The following ANKRD62 variants were observed in gnomAD, a reference collection of about 807,000 sequenced individuals.
ANKRD62 encodes ankyrin repeat domain-containing protein 62.
Under a neutral mutation model 98.8 loss-of-function variants are expected in ANKRD62, and 61 were observed. The ratio of observed to expected loss-of-function variants is 0.62; its 90% CI spans 0.50 to 0.76. The LOEUF is 0.76. Ranked by LOEUF, ANKRD62 falls within the 30% of genes least tolerant of loss-of-function variation. ANKRD62 has a pLI of 0.00. For missense variants in ANKRD62, 933 were observed against 1,082.9 expected (o/e 0.86, Z 1.94); for synonymous variants, 341 against 367.9 (o/e 0.93, Z 0.84).
chr18:12,104,872 T>A (rs1013075407), intron 7 of ANKRD62, among the ~76,000 whole-genome samples: 2 of 152,198 alleles, frequency 1.3e-5, no homozygotes, highest in African/African-American at 4.8e-5. Flanking sequence ...ATCTTCTGAT[T>A]TTTATTTAAA....
At chr18:12,095,026 A>T in intron 1 of ANKRD62, 145 bp from the exon 2 acceptor site, 1 of 688,154 alleles carries the variant, frequency 1.5e-6, no homozygotes, top group Non-Finnish European at 2.5e-6. Flanking sequence ...GGATGTGGAA[A>T]CCTTGCCTTT....
rs1450049933 is a variant in ANKRD62 at position 12,109,968 on chromosome 18, AAAAC to A, written c.1064+2503_1064+2506del. Among the ~76,000 whole-genome samples, 7 of 142,346 alleles carry A rather than the reference AAAAC, an allele frequency of 4.9e-5. No homozygotes were observed. In the South Asian group the frequency reaches 6.7e-4, roughly 14 times the overall value. 93.4% of individuals were successfully genotyped at this position (142,346 alleles called of 152,430 possible). On this transcript the variant is annotated intron_variant, in intron 8 of 13. Transcript: ENST00000587848. The stretch of plus-strand genomic sequence containing the variant: ...CTGTTACCAAAAAAAAAAAAAAAAA[AAAAC>A]AGACAGACAGGTAGTAGGCTGAATT...
chr18:12,145,448 C>T, the ANKRD62 span, among the ~76,000 whole-genome samples: 4 of 152,328 alleles, frequency 2.6e-5, no homozygotes, highest in South Asian at 2.1e-4. Flanking sequence ...AAATAGTCAA[C>T]GAGGGGCTGT....
intron 6 of ANKRD62, chr18:12,102,275 C>T (rs954471818): frequency 2.8e-5 from 21 of 753,048 alleles, no homozygotes; most frequent in Admixed American, 5.3e-5. Flanking sequence ...TCTCACTAGT[C>T]CAGTGGAGAG....
chr18:12,125,596 A>C lies in ANKRD62; in HGVS notation c.1775A>C (p.Asp592Ala), dbSNP rs1173558918. 2.0e-6 allele frequency: 3 copies of C among 1,527,244 alleles called. No individual in the cohort carries two copies. In the African/African-American group the frequency reaches 4.2e-5, roughly 21 times the overall value. The allele number at this position is 1,527,244 out of a possible 1,614,324, so 94.6% of individuals were successfully genotyped here. The stretch of plus-strand genomic sequence containing the variant: ...GAAACTGAAAATAAATATTTCAAAG[A>C]TATTGAAATTATAAAGGAAAACAAT... Reference protein sequence around the residue: ...NQETENKYFKDIEIIKENNED... With the variant: ...NQETENKYFKAIEIIKENNED... Residue 592 changes from aspartate to alanine, a missense_variant, in exon 13 of 14, where the codon GAT (aspartate) becomes GCT (alanine). Coordinates refer to ENST00000587848, the MANE Select transcript of ANKRD62 (RefSeq NM_001277333.2).
intron 7 of ANKRD62, among the ~76,000 whole-genome samples, chr18:12,106,088 A>G (rs183113921): frequency 6.6e-5 from 10 of 152,350 alleles, no homozygotes; most frequent in African/African-American, 2.4e-4. Context: ...AAATTGATCC[A>G]TTTAACTCAA....
downstream of ANKRD62, among the ~76,000 whole-genome samples, chr18:12,131,065 G>T (rs1466585770): frequency 2.0e-5 from 3 of 152,050 alleles, no homozygotes; most frequent in African/African-American, 7.3e-5. Flanking sequence ...GTCACATGAG[G>T]TCAGGTGTGG....
the ANKRD62 span, among the ~76,000 whole-genome samples, chr18:12,167,279 T>C: frequency 6.6e-6 from 1 of 150,988 alleles, no homozygotes; most frequent in Non-Finnish European, 1.5e-5. Context: ...ATGGTATCCC[T>C]CCCCCATTCC....
chr18:12,111,456 G>A (rs1005055969), intron 8 of ANKRD62, among the ~76,000 whole-genome samples: 1 of 152,094 alleles, frequency 6.6e-6, no homozygotes, highest in Non-Finnish European at 1.5e-5. Context: ...ACGTCATACT[G>A]AATGAGCAAA....
Position 12,129,312 on chromosome 18 carries a change from C to T in ANKRD62, c.*1373C>T, listed in dbSNP as rs1269930795. 1 of 152,070 alleles carries T rather than the reference C, an allele frequency of 6.6e-6. No homozygotes were observed. The highest frequency in any genetic ancestry group is 1.5e-5 in the Non-Finnish European group (1 of 68,020). 9.4% of individuals were successfully genotyped at this position (152,070 alleles called of 1,614,324 possible). A position where few individuals can be genotyped will look rare whatever the true frequency, so the allele number is the denominator to read the frequency against. ...AGGCAGTAAACTTTTCTGTAAAGGGCCAAGTAGTATTATTTGAGACTTTGT... is the reference window on the plus strand; with the variant it reads ...AGGCAGTAAACTTTTCTGTAAAGGGTCAAGTAGTATTATTTGAGACTTTGT... On this transcript the variant is annotated 3_prime_UTR_variant, in exon 14 of 14. Coordinates refer to ENST00000587848, the MANE Select transcript of ANKRD62 (RefSeq NM_001277333.2).
At chr18:12,171,886 A>T in the ANKRD62 span, among the ~76,000 whole-genome samples, 52 of 151,940 alleles carry the variant, frequency 3.4e-4, no homozygotes, top group African/African-American at 1.2e-3. Flanking sequence ...CATTAATTTG[A>T]TCTTCAATCA....
chr18:12,155,874 G>T, the ANKRD62 span, among the ~76,000 whole-genome samples: 1 of 152,054 alleles, frequency 6.6e-6, no homozygotes, highest in East Asian at 1.9e-4. Flanking sequence ...GGAAATAGTG[G>T]GAGGAAGAAA....
chr18:12,103,265 T>C (rs1336931959), intron 7 of ANKRD62, 37 bp downstream of exon 7: 3 of 1,260,934 alleles, frequency 2.4e-6, no homozygotes, highest in Non-Finnish European at 3.1e-6. Flanking sequence ...CTGGTTTTCT[T>C]TGGTAATGTA....
the ANKRD62 span, among the ~76,000 whole-genome samples, chr18:12,162,068 A>C: frequency 0.61 from 93,229 of 151,858 alleles, 29,056 homozygotes; most frequent in Middle Eastern, 0.76. Flanking sequence ...GATCATATGG[A>C]AGATCTAGTT....
intron 8 of ANKRD62, among the ~76,000 whole-genome samples, chr18:12,113,844 G>C (rs1165038642): frequency 2.6e-5 from 4 of 152,148 alleles, no homozygotes; most frequent in African/African-American, 9.7e-5. Flanking sequence ...ACATGCATAT[G>C]TTCATTGCAG....
chr18:12,163,651 T>C, the ANKRD62 span, among the ~76,000 whole-genome samples: 2 of 152,124 alleles, frequency 1.3e-5, no homozygotes, highest in African/African-American at 4.8e-5. Flanking sequence ...GGGTCTGTTA[T>C]ACATGGTTTT....
At chr18:12,105,683 A>G (rs117261744) in intron 7 of ANKRD62, among the ~76,000 whole-genome samples, 3,845 of 149,044 alleles carry the variant, frequency 0.026, 72 homozygotes, top group Middle Eastern at 0.086. Flanking sequence ...AAATCGGGTT[A>G]TCTATATACA....
the ANKRD62 span, among the ~76,000 whole-genome samples, chr18:12,140,823 G>A: frequency 1.2e-4 from 19 of 152,294 alleles, no homozygotes; most frequent in East Asian, 2.9e-3. Flanking sequence ...CAGTCTGCCC[G>A]TTCTCAGATC....
In ANKRD62 at chr18:12,112,468, G is replaced by A. The variant is rs140509182; in HGVS notation, c.1065-2620G>A. Among the ~76,000 whole-genome samples, 1,284 of 152,154 alleles carry A rather than the reference G, an allele frequency of 8.4e-3. 7 individuals are homozygous for A. Among genetic ancestry groups the A allele is most frequent in the East Asian group, 0.016 (81 of 5,172 alleles). Reference sequence around the variant, plus strand: ...AACCTGACAAAAAGCAACAAGGACAGGACCGTATTTAATAAATGGTACTGG... The same window carrying A: ...AACCTGACAAAAAGCAACAAGGACAAGACCGTATTTAATAAATGGTACTGG... On this transcript the variant is annotated intron_variant, in intron 8 of 13. Coordinates refer to ENST00000587848, the MANE Select transcript of ANKRD62 (RefSeq NM_001277333.2).
Sources: allele counts gnomAD v4.1 joint callset (sites outside exome capture counted in the v4.1 genomes callset), GRCh38; gene constraint gnomAD v4.1.1; transcripts MANE v1.5; gene names NCBI Gene and HGNC (gene_info 2026-07-23, HGNC 2026-07-21).